NPLOC4: variants seen among roughly 807,000 people sequenced by gnomAD.
NPLOC4 encodes the protein NPL4 homolog, ubiquitin recognition factor.
A neutral mutation model predicts 80.6 loss-of-function variants in NPLOC4; 18 were observed. That is an observed-to-expected ratio of 0.22 (90% CI 0.15 to 0.33). The LOEUF (loss-of-function observed/expected upper bound fraction) is 0.33, where lower values mean the gene tolerates loss of function less well. Ranked by LOEUF, NPLOC4 falls within the 10% of genes least tolerant of loss-of-function variation. The pLI is 1.00. For missense variants in NPLOC4, 540 were observed against 786.1 expected (o/e 0.69, Z 3.74); for synonymous variants, 313 against 301.5 (o/e 1.04, Z -0.39).
intron 9 of NPLOC4, among the ~76,000 whole-genome samples, chr17:81,599,156 G>A (rs924384227): frequency 1.3e-5 from 2 of 151,864 alleles, no homozygotes; most frequent in Admixed American, 6.6e-5. Context: ...GGGCGTTGTG[G>A]CGGGTGCCTG....
At chr17:81,625,374 G>A (rs560955008) in intron 2 of NPLOC4, among the ~76,000 whole-genome samples, 52 of 152,276 alleles carry the variant, frequency 3.4e-4, no homozygotes, top group Non-Finnish European at 6.3e-4. Context: ...GCGCATCTGT[G>A]TCTGAGCCCA....
intron 2 of NPLOC4, among the ~76,000 whole-genome samples, chr17:81,626,096 C>G (rs1198125073): frequency 2.8e-5 from 4 of 145,262 alleles, no homozygotes; most frequent in African/African-American, 1.0e-4. Flanking sequence ...TTGCAGTGGG[C>G]AGAGATTGCG....
At chr17:81,571,832 A>G (rs998346534) in intron 13 of NPLOC4, among the ~76,000 whole-genome samples, 185 bp downstream of exon 13, 7 of 152,174 alleles carry the variant, frequency 4.6e-5, no homozygotes, top group Non-Finnish European at 7.3e-5. Flanking sequence ...TGAGCATTTC[A>G]GCAACACCGC....
chr17:81,630,092 CT>C (rs35939173), intron 1 of NPLOC4, among the ~76,000 whole-genome samples: 1 of 151,424 alleles, frequency 6.6e-6, no homozygotes, highest in Non-Finnish European at 1.5e-5. Flanking sequence ...ATGTAAAACA[CT>C]TTTTGTCTCT....
At chr17:81,605,079 T>A (rs1226250277) in intron 7 of NPLOC4, among the ~76,000 whole-genome samples, 1 of 150,844 alleles carries the variant, frequency 6.6e-6, no homozygotes, top group African/African-American at 2.4e-5. Context: ...ACCAACATGA[T>A]GAAATCCCGT....
chr17:81,625,182 T>A (rs1470352412), intron 2 of NPLOC4, among the ~76,000 whole-genome samples: 1 of 151,186 alleles, frequency 6.6e-6, no homozygotes, highest in Non-Finnish European at 1.5e-5. Flanking sequence ...AGGAAGGAGG[T>A]CAGAGTAAAG....
chr17:81,581,375 A>AAAAAAAAAAAAAAAAAAGTC lies in NPLOC4; in HGVS notation c.1281+7568_1281+7569insGACTTTTTTTTTTTTTTTTT, dbSNP rs1555680405. Among the ~76,000 whole-genome samples the AAAAAAAAAAAAAAAAAAGTC allele has an allele frequency of 7.1e-4, 52 of 72,854 alleles. 16 individuals carry two copies. The highest frequency in any genetic ancestry group is 1.3e-3 in the South Asian group (3 of 2,400). 47.8% of individuals were successfully genotyped at this position (72,854 alleles called of 152,430 possible). A position where few individuals can be genotyped will look rare whatever the true frequency, so the allele number is the denominator to read the frequency against. ...AAAAAAAAAAAAAAAAAAAAAAAAA[A>AAAAAAAAAAAAAAAAAAGTC]AGTTAATAAAATCACCATGTCACAA... On this transcript the variant is annotated intron_variant, in intron 12 of 16. Transcript: ENST00000331134.
At chr17:81,573,861 C>G (rs894716700) in intron 12 of NPLOC4, among the ~76,000 whole-genome samples, 1 of 152,214 alleles carries the variant, frequency 6.6e-6, no homozygotes, top group African/African-American at 2.4e-5. Context: ...CAGCTCTGCT[C>G]TGTTTGCCTT....
intron 3 of NPLOC4, among the ~76,000 whole-genome samples, chr17:81,619,615 A>G (rs547930343): frequency 2.0e-5 from 3 of 151,640 alleles, no homozygotes; most frequent in African/African-American, 4.8e-5. Context: ...GCAGTGGCTT[A>G]CATCTGTAAT....
intron 16 of NPLOC4, 83 bp from the exon 17 acceptor site, chr17:81,559,499 G>C: frequency 7.0e-7 from 1 of 1,433,096 alleles, no homozygotes; most frequent in Non-Finnish European, 9.4e-7. Flanking sequence ...GCAGGGGCAG[G>C]CAGCTGAGAG....
chr17:81,618,794 C>T (rs1340390814), intron 3 of NPLOC4, among the ~76,000 whole-genome samples: 1 of 152,018 alleles, frequency 6.6e-6, no homozygotes, highest in Non-Finnish European at 1.5e-5. Context: ...ATTGAGAAAT[C>T]GGATGGTTGC....
intron 2 of NPLOC4, among the ~76,000 whole-genome samples, chr17:81,627,714 G>A (rs1221891191): frequency 6.6e-6 from 1 of 152,060 alleles, no homozygotes; most frequent in African/African-American, 2.4e-5. Flanking sequence ...GCTGCAATGA[G>A]CCAAGATCAT....
chr17:81,585,674 A>G (rs113610620), intron 12 of NPLOC4, among the ~76,000 whole-genome samples: 2,058 of 110,868 alleles, frequency 0.019, 97 homozygotes, highest in African/African-American at 0.056. Flanking sequence ...GGGGGGGGGG[A>G]AAGAAAGAAA....
At chr17:81,629,951 T>C (rs1474933433) in intron 1 of NPLOC4, 146 bp from the exon 2 acceptor site, 2 of 628,684 alleles carry the variant, frequency 3.2e-6, no homozygotes, top group East Asian at 2.7e-5. Context: ...CCCAGCTCAA[T>C]CCTTCTAGAA....
chr17:81,607,927 C>G (rs893514928), intron 6 of NPLOC4, among the ~76,000 whole-genome samples: 3 of 152,236 alleles, frequency 2.0e-5, no homozygotes, highest in Non-Finnish European at 4.4e-5. Context: ...ACCATCTCCT[C>G]GTTGCACTGA....
In NPLOC4 at chr17:81,623,752, C is replaced by T. The variant is rs148428547; in HGVS notation, c.97-1474G>A. Among the ~76,000 whole-genome samples the T allele has an allele frequency of 9.8e-4, 148 of 150,978 alleles. 1 individual carries two copies. In the Middle Eastern group the frequency reaches 0.01, roughly 10 times the overall value. ...GGCGGAGCTTGCAGTGAGCCGAGAT[C>T]GCGCCACTGCACTCCAGCCAGGACG... On this transcript the variant is annotated intron_variant, in intron 2 of 16. Coordinates refer to ENST00000331134, the MANE Select transcript of NPLOC4 (RefSeq NM_017921.4).
At chr17:81,629,526 TA>T (rs1820231586) in intron 2 of NPLOC4, among the ~76,000 whole-genome samples, 198 bp downstream of exon 2, 1 of 152,162 alleles carries the variant, frequency 6.6e-6, no homozygotes, top group South Asian at 2.1e-4. Context: ...CTCTTGGTCC[TA>T]TAATTTTGAG....
At chr17:81,613,179 A>T in intron 4 of NPLOC4, 139 bp downstream of exon 4, 3 of 677,862 alleles carry the variant, frequency 4.4e-6, no homozygotes, top group African/African-American at 3.8e-5. Context: ...CTTGAAGTTT[A>T]ATCTGAAGAT....
chr17:81,607,436 G>A (rs1262688753), intron 6 of NPLOC4, among the ~76,000 whole-genome samples: 1 of 151,522 alleles, frequency 6.6e-6, no homozygotes, highest in Non-Finnish European at 1.5e-5. Context: ...AGGTAGACGT[G>A]AGGTTTTGTT....
Sources: gnomAD v4.1 joint callset for allele counts (sites outside exome capture counted in the v4.1 genomes callset) on GRCh38, gnomAD v4.1.1 for gene constraint, MANE v1.5 for transcripts, NCBI Gene and HGNC (gene_info 2026-07-23, HGNC 2026-07-21) for gene names.